Variants in ENTPD3 observed in about 807,000 individuals in gnomAD.
The protein encoded by ENTPD3 is CD39 antigen-like 3.
Under a neutral mutation model 51.2 loss-of-function variants are expected in ENTPD3, and 60 were observed. The ratio of observed to expected loss-of-function variants is 1.17; its 90% CI spans 0.95 to 1.45. ENTPD3 has a LOEUF of 1.45. ENTPD3 is among the 40% of genes most tolerant of loss of function. The pLI is 0.00. For missense variants in ENTPD3, 593 were observed against 641.1 expected, an observed-to-expected ratio of 0.93 and a Z score of 0.81; for synonymous variants, 221 against 238.4, an observed-to-expected ratio of 0.93 and a Z score of 0.67.
At chr3:40,406,545 A>C (rs1205549576) in intron 4 of ENTPD3, among the ~76,000 whole-genome samples, 1 of 152,242 alleles carries the variant, frequency 6.6e-6, no homozygotes, top group Non-Finnish European at 1.5e-5. Flanking sequence ...ATTGGAAGCA[A>C]GGACACCAGT....
chr3:40,405,351 A>T (rs1489551745), intron 4 of ENTPD3, among the ~76,000 whole-genome samples: 1 of 151,836 alleles, frequency 6.6e-6, no homozygotes, highest in African/African-American at 2.4e-5. Flanking sequence ...CTAAGAATAC[A>T]AAAATTAGCC....
At chr3:40,414,611 G>A in intron 5 of ENTPD3, 70 bp from the exon 6 acceptor site, 1 of 1,544,774 alleles carries the variant, frequency 6.5e-7, no homozygotes, top group Non-Finnish European at 8.9e-7. Flanking sequence ...ATTTTCACCT[G>A]AGTGAGACTA....
At chr3:40,426,409 A>G (rs142236522) in intron 10 of ENTPD3, among the ~76,000 whole-genome samples, 277 of 152,168 alleles carry the variant, frequency 1.8e-3, no homozygotes, top group African/African-American at 6.3e-3. Flanking sequence ...CTGGCCACAG[A>G]TATCATTTTT....
At chr3:40,387,886 G>A (rs1954973679) in intron 1 of ENTPD3, 160 bp from the exon 2 acceptor site, 1 of 584,674 alleles carries the variant, frequency 1.7e-6, no homozygotes, top group Non-Finnish European at 3.1e-6. Context: ...CTCCAGCTTT[G>A]GGGCTGTCTC....
intron 3 of ENTPD3, among the ~76,000 whole-genome samples, chr3:40,393,868 C>T (rs906726043): frequency 4.0e-5 from 6 of 151,526 alleles, no homozygotes; most frequent in Admixed American, 6.6e-5. Flanking sequence ...CGTGGTGAAA[C>T]CCCATCTCTA....
chr3:40,408,017 T>C (rs372278586), intron 4 of ENTPD3, among the ~76,000 whole-genome samples: 27 of 152,252 alleles, frequency 1.8e-4, no homozygotes, highest in African/African-American at 6.0e-4. Flanking sequence ...AGGAACATGT[T>C]CAAGGACACC....
intron 3 of ENTPD3, among the ~76,000 whole-genome samples, chr3:40,393,842 A>AG (rs1955125059): frequency 6.6e-6 from 1 of 151,922 alleles, no homozygotes; most frequent in Non-Finnish European, 1.5e-5. Flanking sequence ...CAGGAGATTG[A>AG]GACCGTCCTG....
At chr3:40,407,737 A>G (rs1955536819) in intron 4 of ENTPD3, among the ~76,000 whole-genome samples, 1 of 152,148 alleles carries the variant, frequency 6.6e-6, no homozygotes, top group Non-Finnish European at 1.5e-5. Context: ...CCAGCAAAAG[A>G]ACTTAGGAGG....
intron 4 of ENTPD3, among the ~76,000 whole-genome samples, chr3:40,405,949 G>A (rs538948391): frequency 1.3e-5 from 2 of 152,224 alleles, no homozygotes; most frequent in Non-Finnish European, 2.9e-5. Context: ...TGTTTGATAC[G>A]AACTGTTCTT....
chr3:40,416,236 C>T (rs1337941963), intron 7 of ENTPD3, among the ~76,000 whole-genome samples, 163 bp downstream of exon 7: 1 of 152,164 alleles, frequency 6.6e-6, no homozygotes, highest in Non-Finnish European at 1.5e-5. Flanking sequence ...TCCCTTTCCT[C>T]TCTGTCTCTT....
Position 40,415,968 on chromosome 3 carries a change from C to T in ENTPD3, c.726C>T (p.Ile242=), listed in dbSNP as rs891689029. Residue 242 remains isoleucine (I), a synonymous_variant, in exon 7 of 11, where the codon ATC becomes ATT. Transcript: ENST00000301825. ...AGATGGATCTGAACACCAGCGACAT[C>T]ATGCAGGTGTCCCTGTATGGCTACG... ...GEKMDLNTSD[I]MQVSLYGYVY... The T allele has an allele frequency of 2.5e-6, 4 of 1,613,992 alleles. No homozygotes were observed. Among genetic ancestry groups the T allele is most frequent in the Non-Finnish European group, 3.4e-6 (4 of 1,179,866 alleles).
At chr3:40,392,907 G>C (rs1480162861) in intron 3 of ENTPD3, among the ~76,000 whole-genome samples, 1 of 151,826 alleles carries the variant, frequency 6.6e-6, no homozygotes, top group Non-Finnish European at 1.5e-5. Flanking sequence ...AGGTCTCCTT[G>C]AGCTCTATTT....
At chr3:40,408,660 A>C (rs1225450574) in intron 4 of ENTPD3, among the ~76,000 whole-genome samples, 1 of 152,212 alleles carries the variant, frequency 6.6e-6, no homozygotes, top group African/African-American at 2.4e-5. Flanking sequence ...TTACTGAGAG[A>C]ATTGTGTGTC....
intron 3 of ENTPD3, chr3:40,392,574 CAAAAAAA>C (rs374441240): frequency 0.036 from 4,478 of 125,680 alleles, 240 homozygotes; most frequent in African/African-American, 0.12. Flanking sequence ...CCATCTCTAT[CAAAAAAA>C]AAAAAAAAAA....
At chr3:40,414,648 C>A (rs945755853) in intron 5 of ENTPD3, 33 bp from the exon 6 acceptor site, 32 of 1,610,964 alleles carry the variant, frequency 2.0e-5, no homozygotes, top group Non-Finnish European at 2.3e-5. Flanking sequence ...ATTGTCTGGG[C>A]ACTCAGACTT....
At chr3:40,401,374 G>C (rs1045096633) in intron 4 of ENTPD3, among the ~76,000 whole-genome samples, 1 of 152,178 alleles carries the variant, frequency 6.6e-6, no homozygotes, top group Non-Finnish European at 1.5e-5. Flanking sequence ...CAGAGTATCA[G>C]CATTTTCTTA....
At chr3:40,409,421 T>C (rs1416215288) in intron 4 of ENTPD3, among the ~76,000 whole-genome samples, 4 of 152,116 alleles carry the variant, frequency 2.6e-5, no homozygotes, top group African/African-American at 9.7e-5. Flanking sequence ...TTGTAGGAGG[T>C]CATTGCCCCA....
Position 40,414,732 on chromosome 3 carries a change from C to T in ENTPD3, c.489C>T (p.Tyr163=). ...AAGTCCTTGAAAGCATCCAAAGCTA[C>T]TTCAAGTCCCAGCCCTTTGACTTTA... ...ANEVLESIQS[Y]FKSQPFDFRG... is the part of the protein sequence containing the mutation. The change falls in exon 6 of 11, where the codon TAC becomes TAT. Residue 163 remains tyrosine (Y), a synonymous_variant. Transcript: ENST00000301825. The T allele has an allele frequency of 6.2e-7, 1 of 1,614,122 alleles. No individual in the cohort carries two copies. The highest frequency in any genetic ancestry group is 8.5e-7 in the Non-Finnish European group (1 of 1,179,984).
At chr3:40,422,630 A>G (rs1322245320) in intron 7 of ENTPD3, among the ~76,000 whole-genome samples, 1 of 150,130 alleles carries the variant, frequency 6.7e-6, no homozygotes, top group East Asian at 2.0e-4. Flanking sequence ...TCCTTGCGAT[A>G]GTTTACTGAG....
Sources: allele counts gnomAD v4.1 joint callset (sites outside exome capture counted in the v4.1 genomes callset), GRCh38; gene constraint gnomAD v4.1.1; transcripts MANE v1.5; gene names NCBI Gene and HGNC (gene_info 2026-07-23, HGNC 2026-07-21).